The following CERS6 variants were observed in gnomAD, a reference collection of about 807,000 sequenced individuals.
CERS6 encodes the protein LAG1 homolog, ceramide synthase 6.
A neutral mutation model predicts 56.8 loss-of-function variants in CERS6; 26 were observed. The observed-to-expected ratio is 0.46, with a 90% CI of 0.34 to 0.63. The LOEUF (loss-of-function observed/expected upper bound fraction) is 0.63, where lower values mean the gene tolerates loss of function less well. Among genes scored for constraint, CERS6 ranks in the 30% least tolerant of loss-of-function variants. CERS6 has a pLI of 0.01. For synonymous variants in CERS6, 164 were observed against 173.3 expected, an observed-to-expected ratio of 0.95 and a Z score of 0.42; for missense variants, 415 against 467.5, an observed-to-expected ratio of 0.89 and a Z score of 1.04.
At position 168,717,940 on chromosome 2, in the gene CERS6, G is replaced by C; in HGVS notation, c.807G>C (p.Val269=). The change falls in exon 8 of 10, where the codon GTG becomes GTC. Residue 269 remains valine, a synonymous_variant. Transcript: ENST00000305747. ...ATCTCCTGTTTGTTATGTTTGCCGT[G>C]GTTTTTATCACCACACGACTGGGTA... ...MCDLLFVMFA[V]VFITTRLGIF... 1 of 1,613,500 alleles carries C rather than the reference G, an allele frequency of 6.2e-7. No individual in the cohort carries two copies. Among genetic ancestry groups the C allele is most frequent in the Non-Finnish European group, 8.5e-7 (1 of 1,179,650 alleles).
At chr2:168,526,560 G>T (rs1459585783) in intron 1 of CERS6, among the ~76,000 whole-genome samples, 1 of 152,282 alleles carries the variant, frequency 6.6e-6, no homozygotes, top group East Asian at 1.9e-4. Context: ...CAGCCATATG[G>T]TCCAGGTGAT....
intron 4 of CERS6, among the ~76,000 whole-genome samples, chr2:168,655,137 G>A (rs920113022): frequency 1.1e-4 from 16 of 152,172 alleles, no homozygotes; most frequent in Non-Finnish European, 2.1e-4. Flanking sequence ...ATGAGAAGGT[G>A]CTCAATATCA....
At chr2:168,674,570 A>G (rs553119180) in intron 4 of CERS6, among the ~76,000 whole-genome samples, 2 of 152,350 alleles carry the variant, frequency 1.3e-5, no homozygotes, top group South Asian at 4.1e-4. Context: ...ATATATTTGA[A>G]GGAACTTACA....
chr2:168,508,237 A>AG (rs1346501494), intron 1 of CERS6, among the ~76,000 whole-genome samples: 1 of 152,246 alleles, frequency 6.6e-6, no homozygotes, highest in Admixed American at 6.5e-5. Flanking sequence ...GTATAACTTT[A>AG]GGGCACCTAG....
chr2:168,583,025 G>A (rs147566251), intron 3 of CERS6: 1 of 153,326 alleles, frequency 6.5e-6, no homozygotes, highest in South Asian at 2.1e-4. Context: ...CATAGGCAAG[G>A]CTTGCAGTTA....
chr2:168,749,934 T>G (rs1194315134), intron 8 of CERS6, among the ~76,000 whole-genome samples: 2 of 152,252 alleles, frequency 1.3e-5, no homozygotes, highest in Non-Finnish European at 2.9e-5. Flanking sequence ...TGCAGTCATA[T>G]TTATACCCAC....
chr2:168,462,581 G>C (rs540609431), intron 1 of CERS6, among the ~76,000 whole-genome samples: 1 of 152,134 alleles, frequency 6.6e-6, no homozygotes, highest in Non-Finnish European at 1.5e-5. Flanking sequence ...GCTTCACTCC[G>C]TTGTCCAGGC....
At chr2:168,766,895 A>G (rs1684745597) in intron 9 of CERS6, among the ~76,000 whole-genome samples, 1 of 152,240 alleles carries the variant, frequency 6.6e-6, no homozygotes, top group South Asian at 2.1e-4. Flanking sequence ...CACCAGCTCT[A>G]GTAGAAATCC....
rs1421433700 is a variant in CERS6, at chr2:168,456,698, G to A, written c.170+80G>A. On this transcript the variant is annotated intron_variant, in intron 1 of 9. Coordinates refer to ENST00000305747, the MANE Select transcript of CERS6 (RefSeq NM_203463.3). The surrounding 1 kb of genome is among the most constrained non-coding windows in gnomAD (Gnocchi z 4.1). ...CACACTCGCGCGCTCTCTGGCGCAC[G>A]CCCCCGCGCCCCCAACGCTCGCGTT... 5 of 1,363,476 alleles carry A rather than the reference G, an allele frequency of 3.7e-6. No individual in the cohort carries two copies. Among genetic ancestry groups the A allele is most frequent in the Non-Finnish European group, 5.0e-6 (5 of 990,806 alleles). The allele number at this position is 1,363,476 out of a possible 1,614,324, so 84.5% of individuals were successfully genotyped here.
At chr2:168,474,340 C>G (rs1428872557) in intron 1 of CERS6, among the ~76,000 whole-genome samples, 3 of 152,086 alleles carry the variant, frequency 2.0e-5, no homozygotes, top group Non-Finnish European at 4.4e-5. Context: ...GTGTTTTTCC[C>G]TAAACTGACA....
intron 4 of CERS6, among the ~76,000 whole-genome samples, chr2:168,636,629 T>C (rs1684865367): frequency 6.6e-6 from 1 of 152,222 alleles, no homozygotes; most frequent in African/African-American, 2.4e-5. Flanking sequence ...CTGGCTGTGC[T>C]TCGATGCTTA....
Position 168,473,331 on chromosome 2 carries a change from CTGTT to C in CERS6, c.170+16716_170+16719del, listed in dbSNP as rs528702106. Among the ~76,000 whole-genome samples, 7 of 152,128 alleles carry C rather than the reference CTGTT, an allele frequency of 4.6e-5. No individual in the cohort carries two copies. In the East Asian group the frequency reaches 7.7e-4, roughly 17 times the overall value. On this transcript the variant is annotated intron_variant, in intron 1 of 9. Transcript: ENST00000305747. ...TTACCCTTTTATTGTGCTGCTATCT[CTGTT>C]TGCATTTTTTTCAGTTTTATAATCA...
intron 1 of CERS6, among the ~76,000 whole-genome samples, chr2:168,527,090 A>C (rs1484270205): frequency 6.6e-6 from 1 of 152,222 alleles, no homozygotes. Context: ...TTCTGTCAAC[A>C]GAAGGTTCTA....
intron 4 of CERS6, among the ~76,000 whole-genome samples, chr2:168,642,564 A>G (rs1031360448): frequency 2.0e-5 from 3 of 152,274 alleles, no homozygotes; most frequent in Admixed American, 6.5e-5. Flanking sequence ...CATTACTACA[A>G]TGTTAACAGA....
At chr2:168,627,664 A>G (rs1684620825) in intron 3 of CERS6, among the ~76,000 whole-genome samples, 1 of 151,908 alleles carries the variant, frequency 6.6e-6, no homozygotes, top group South Asian at 2.1e-4. Context: ...CCTAGGATTC[A>G]ACATTTTTGT....
At chr2:168,497,137 G>C (rs1694486930) in intron 1 of CERS6, among the ~76,000 whole-genome samples, 1 of 152,150 alleles carries the variant, frequency 6.6e-6, no homozygotes, top group Admixed American at 6.6e-5. Context: ...CACTCTGAAA[G>C]GAGTAGAATA....
intron 3 of CERS6, among the ~76,000 whole-genome samples, chr2:168,599,527 T>C (rs1280498296): frequency 6.6e-6 from 1 of 152,198 alleles, no homozygotes; most frequent in East Asian, 1.9e-4. Flanking sequence ...CTGTGAGTGC[T>C]AGGGTTTATT....
At chr2:168,471,847 A>G (rs980439061) in intron 1 of CERS6, among the ~76,000 whole-genome samples, 1 of 152,208 alleles carries the variant, frequency 6.6e-6, no homozygotes, top group Non-Finnish European at 1.5e-5. Flanking sequence ...AGAACTGCCA[A>G]AGTAAGTAAA....
intron 8 of CERS6, among the ~76,000 whole-genome samples, chr2:168,720,605 G>A (rs746780721): frequency 2.0e-4 from 30 of 152,160 alleles, no homozygotes; most frequent in Admixed American, 6.5e-5. Context: ...CCTTTGTGCT[G>A]AAGTTTCCTC....
Sources: allele counts gnomAD v4.1 joint callset (sites outside exome capture counted in the v4.1 genomes callset), GRCh38; gene constraint gnomAD v4.1.1; non-coding constraint Gnocchi (gnomAD v3.1); transcripts MANE v1.5; gene names NCBI Gene and HGNC (gene_info 2026-07-23, HGNC 2026-07-21).